The following RSPO2 variants were observed in gnomAD, a reference collection of about 807,000 sequenced individuals.
RSPO2 encodes the protein R-spondin 2.
RSPO2 carries 14 observed loss-of-function variants against 30.9 expected under a neutral mutation model. That is an observed-to-expected ratio of 0.45 (90% CI 0.30 to 0.71). The LOEUF is 0.71. RSPO2 is among the 30% of genes least tolerant of loss of function. The pLI is 0.08. For missense variants in RSPO2, 264 were observed against 301.9 expected (o/e 0.87, Z 0.93); for synonymous variants, 107 against 96.4 (o/e 1.11, Z -0.64).
At chr8:108,021,396 A>G (rs969839330) in intron 2 of RSPO2, among the ~76,000 whole-genome samples, 2 of 152,218 alleles carry the variant, frequency 1.3e-5, no homozygotes, top group African/African-American at 4.8e-5. Flanking sequence ...AGCAGATTCT[A>G]TGAATGAAAG....
Position 107,958,238 on chromosome 8 carries a change from C to T in RSPO2, c.458G>A (p.Trp153Ter). The T allele has an allele frequency of 6.2e-7, 1 of 1,613,710 alleles. No homozygotes were observed. Among genetic ancestry groups the T allele is most frequent in the Non-Finnish European group, 8.5e-7 (1 of 1,179,782 alleles). ...EGCEVGHWSE[W>*]GTCSRNNRTC... ...GCGATTATTTCTGCTACAAGTTCCC[C>T]ATTCGCTCCAATGACCAACTTCACA... is the stretch of plus-strand genomic sequence containing the variant. The change falls in exon 5 of 6, where the codon TGG (tryptophan) becomes TAG (stop). Residue 153 changes from tryptophan to a stop codon, truncating the protein, a stop_gained. Transcript: ENST00000276659. LOFTEE classifies it high-confidence loss of function.
chr8:107,916,319 C>G (rs1811982256), intron 5 of RSPO2, among the ~76,000 whole-genome samples: 1 of 152,096 alleles, frequency 6.6e-6, no homozygotes, highest in African/African-American at 2.4e-5. Context: ...CTAGATGAGG[C>G]CTGAGGACAT....
intron 2 of RSPO2, among the ~76,000 whole-genome samples, chr8:108,035,746 C>T (rs927066546): frequency 6.6e-5 from 10 of 152,156 alleles, no homozygotes; most frequent in African/African-American, 2.4e-4. Flanking sequence ...GCTGGGATTA[C>T]AGGCAATTCC....
intron 2 of RSPO2, among the ~76,000 whole-genome samples, chr8:108,066,048 GA>G (rs556018487): frequency 6.6e-6 from 1 of 151,488 alleles, no homozygotes; most frequent in African/African-American, 2.4e-5. Flanking sequence ...TCAAAAAAAA[GA>G]AAAAAAGAAA....
chr8:108,056,639 A>AG (rs1554586192), intron 2 of RSPO2, among the ~76,000 whole-genome samples: 40 of 149,128 alleles, frequency 2.7e-4, no homozygotes, highest in Admixed American at 8.7e-4. Flanking sequence ...AAAAAAAAAA[A>AG]AAAAGAAAAG....
chr8:107,974,185 T>C (rs921410272), intron 3 of RSPO2, among the ~76,000 whole-genome samples: 37 of 152,114 alleles, frequency 2.4e-4, no homozygotes, highest in Admixed American at 2.4e-3. Flanking sequence ...GCAAGGACTA[T>C]ACAATGAAAA....
In RSPO2 at chr8:107,937,208, T is replaced by C. The variant is rs537587345; in HGVS notation, c.616+20872A>G. ...CAAGGTCCAGTTTCATCCTTCTGCG[T>C]ATGGATTCTCAATTTTCCCAGCACC... On this transcript the variant is annotated intron_variant, in intron 5 of 5. Transcript: ENST00000276659. 2.6e-4 allele frequency among the ~76,000 whole-genome samples: 40 copies of C among 151,420 alleles called. 1 individual carries two copies. In the South Asian group the frequency reaches 8.3e-3, roughly 31 times the overall value.
At chr8:107,979,275 A>C (rs962972232) in intron 3 of RSPO2, among the ~76,000 whole-genome samples, 13 of 152,350 alleles carry the variant, frequency 8.5e-5, no homozygotes, top group South Asian at 2.1e-4. Flanking sequence ...AGACTTGGAA[A>C]CAACCCAAAT....
At chr8:108,021,784 G>C (rs2443771) in intron 2 of RSPO2, among the ~76,000 whole-genome samples, 1 of 151,626 alleles carries the variant, frequency 6.6e-6, no homozygotes, top group Non-Finnish European at 1.5e-5. Flanking sequence ...CAGGGGTTGG[G>C]GACAAGGGGA....
chr8:107,976,475 T>C (rs1159012214), intron 3 of RSPO2, among the ~76,000 whole-genome samples: 2 of 152,286 alleles, frequency 1.3e-5, no homozygotes, highest in South Asian at 2.1e-4. Context: ...AACTATATCA[T>C]AGGATTCTTA....
At chr8:108,063,520 T>G (rs542726962) in intron 2 of RSPO2, among the ~76,000 whole-genome samples, 5 of 151,582 alleles carry the variant, frequency 3.3e-5, no homozygotes, top group South Asian at 4.1e-4. Context: ...CACTGCTCAA[T>G]GAAATAAAAG....
chr8:108,013,406 T>C (rs1810768739), intron 2 of RSPO2, among the ~76,000 whole-genome samples: 2 of 152,186 alleles, frequency 1.3e-5, no homozygotes, highest in Admixed American at 1.3e-4. Context: ...TACCATTCAG[T>C]AGAGATTAGT....
chr8:107,999,650 G>C (rs1452627528), intron 2 of RSPO2, among the ~76,000 whole-genome samples: 2 of 152,040 alleles, frequency 1.3e-5, no homozygotes, highest in African/African-American at 4.8e-5. Flanking sequence ...GGCCAGGCTG[G>C]TCTCGAACTT....
intron 2 of RSPO2, among the ~76,000 whole-genome samples, chr8:108,029,076 T>G (rs1250940670): frequency 3.0e-5 from 4 of 132,706 alleles, no homozygotes; most frequent in African/African-American, 1.2e-4. Flanking sequence ...TTTTTTTTTT[T>G]TTTTTTTTTT....
At chr8:108,055,972 T>C (rs975442650) in intron 2 of RSPO2, among the ~76,000 whole-genome samples, 24 of 152,164 alleles carry the variant, frequency 1.6e-4, no homozygotes, top group Non-Finnish European at 3.2e-4. Context: ...CATCACTTAT[T>C]AGCTCTGAAC....
chr8:107,987,222 C>CA (rs147366835), intron 3 of RSPO2, among the ~76,000 whole-genome samples: 4,134 of 151,978 alleles, frequency 0.027, 149 homozygotes, highest in African/African-American at 0.081. Flanking sequence ...TTATTACCCA[C>CA]AAAAAAAATC....
intron 5 of RSPO2, among the ~76,000 whole-genome samples, chr8:107,902,068 G>A (rs1280385434): frequency 5.3e-5 from 8 of 152,010 alleles, no homozygotes; most frequent in Non-Finnish European, 1.2e-4. Context: ...ATAAGATTTT[G>A]AGAAAAAAGA....
chr8:108,029,157 C>T (rs908796889), intron 2 of RSPO2, among the ~76,000 whole-genome samples: 1 of 144,450 alleles, frequency 6.9e-6, no homozygotes, highest in Non-Finnish European at 1.5e-5. Flanking sequence ...AAATCCAGCC[C>T]ACCACATGTT....
chr8:108,036,353 G>T (rs1418707112), intron 2 of RSPO2, among the ~76,000 whole-genome samples: 1 of 152,206 alleles, frequency 6.6e-6, no homozygotes, highest in East Asian at 1.9e-4. Flanking sequence ...TTTACAGCAT[G>T]GTTTACTGAA....
Sources: allele counts gnomAD v4.1 joint callset (sites outside exome capture counted in the v4.1 genomes callset), GRCh38; gene constraint gnomAD v4.1.1; transcripts MANE v1.5; gene names NCBI Gene and HGNC (gene_info 2026-07-23, HGNC 2026-07-21).